CRK: variants seen among roughly 807,000 people sequenced by gnomAD.
CRK encodes the protein adapter molecule crk.
CRK carries 4 observed loss-of-function variants against 29.8 expected under a neutral mutation model. The observed-to-expected ratio is 0.13, with a 90% CI of 0.07 to 0.31. CRK has a LOEUF of 0.31. Ranked by LOEUF, CRK falls within the 10% of genes least tolerant of loss-of-function variation. The probability of loss-of-function intolerance (pLI) is 1.00; values close to 1 mark genes in which losing one functional copy is unlikely to be tolerated. For missense variants in CRK, 274 were observed against 396.5 expected (o/e 0.69, Z 2.62); for synonymous variants, 153 against 164.9 (o/e 0.93, Z 0.55).
intron 1 of CRK, among the ~76,000 whole-genome samples, chr17:1,440,979 G>A (rs1299375154): frequency 6.6e-6 from 1 of 152,208 alleles, no homozygotes; most frequent in Non-Finnish European, 1.5e-5. Context: ...GTCTGGCTCT[G>A]TCACCCAGGC....
intron 2 of CRK, among the ~76,000 whole-genome samples, chr17:1,430,719 TTAAC>T (rs2150902456): frequency 6.6e-6 from 1 of 151,926 alleles, no homozygotes; most frequent in South Asian, 2.1e-4. Context: ...ATTGGGCTAA[TTAAC>T]CTGACCAACG....
At chr17:1,450,948 T>G (rs1213852586) in intron 1 of CRK, among the ~76,000 whole-genome samples, 1 of 151,518 alleles carries the variant, frequency 6.6e-6, no homozygotes, top group Non-Finnish European at 1.5e-5. Flanking sequence ...ATCCCAGCAC[T>G]TTAGGAGGCC....
At chr17:1,442,847 T>A (rs2073945750) in intron 1 of CRK, among the ~76,000 whole-genome samples, 1 of 151,906 alleles carries the variant, frequency 6.6e-6, no homozygotes, top group Admixed American at 6.6e-5. Flanking sequence ...CCTCAAGTGA[T>A]CTGACCGCCT....
chr17:1,437,820 A>ATTTTTTTTTTTTT (rs34817166), intron 1 of CRK, among the ~76,000 whole-genome samples: 1 of 136,736 alleles, frequency 7.3e-6, no homozygotes, highest in Non-Finnish European at 1.6e-5. Context: ...TGACAAGCTA[A>ATTTTTTTTTTTTT]TTTTTTTTTT....
chr17:1,449,347 A>G (rs548941971), intron 1 of CRK, among the ~76,000 whole-genome samples: 5 of 152,268 alleles, frequency 3.3e-5, no homozygotes, highest in South Asian at 2.1e-4. Flanking sequence ...CCTCTCAAAG[A>G]TAAGAAGTTT....
chr17:1,453,697 A>C (rs1030167922), intron 1 of CRK, among the ~76,000 whole-genome samples: 2 of 152,080 alleles, frequency 1.3e-5, no homozygotes, highest in Admixed American at 1.3e-4. Flanking sequence ...ACCTGAGGTC[A>C]GGAGTTCGAG....
At chr17:1,432,179 CTGAA>C (rs1290904607) in intron 2 of CRK, among the ~76,000 whole-genome samples, 1 of 152,114 alleles carries the variant, frequency 6.6e-6, no homozygotes, top group African/African-American at 2.4e-5. Context: ...AGACTGCACT[CTGAA>C]TGTTTAAGAA....
At position 1,436,870 on chromosome 17, in the gene CRK, T is replaced by G. The variant is rs867650824; in HGVS notation, c.527A>C (p.Glu176Ala). The G allele has an allele frequency of 6.2e-7, 1 of 1,611,700 alleles. No individual in the cohort carries two copies. The highest frequency in any genetic ancestry group is 1.3e-5 in the African/African-American group (1 of 75,010). The change falls in exon 2 of 3, where the codon GAA becomes GCA. Residue 176 changes from glutamate to alanine, a missense_variant. By Grantham distance (107) the Glu-to-Ala change is moderately radical. Around this residue, in one of 3 missense-constraint regions of CRK, gnomAD observed 18 missense variants for 61.3 expected, o/e 0.29. Transcript: ENST00000300574. ...EEQWWNAEDS[E>A]GKRGMIPVPY... ...GACTGGAATCATCCCTCTCTTGCCT[T>G]CGCTGTCCTCCGCATTCCACCACTG... is the stretch of plus-strand genomic sequence containing the variant.
chr17:1,454,743 C>G (rs1391196336), intron 1 of CRK, among the ~76,000 whole-genome samples: 2 of 152,144 alleles, frequency 1.3e-5, no homozygotes, highest in Non-Finnish European at 1.5e-5. Context: ...CACGAGGACT[C>G]CTGATGCTGT....
chr17:1,438,201 C>T (rs541013046), intron 1 of CRK, among the ~76,000 whole-genome samples: 33 of 152,262 alleles, frequency 2.2e-4, no homozygotes, highest in Admixed American at 1.6e-3. Flanking sequence ...ACAATCACAG[C>T]TTACTGCAGC....
chr17:1,428,376 C>T (rs2073802676), intron 2 of CRK, among the ~76,000 whole-genome samples: 1 of 151,868 alleles, frequency 6.6e-6, no homozygotes, highest in South Asian at 2.1e-4. Context: ...CTCGGCCTCC[C>T]AATGTGCTGG....
intron 1 of CRK, among the ~76,000 whole-genome samples, chr17:1,447,916 C>T (rs1421788928): frequency 5.3e-5 from 8 of 152,130 alleles, no homozygotes; most frequent in Non-Finnish European, 1.0e-4. Flanking sequence ...CACACCCGGC[C>T]CTCTTTTCCC....
At chr17:1,451,263 T>C (rs1019260350) in intron 1 of CRK, among the ~76,000 whole-genome samples, 1 of 147,046 alleles carries the variant, frequency 6.8e-6, no homozygotes, top group Non-Finnish European at 1.5e-5. Context: ...ATAGCAGATG[T>C]GTATTGTCTG....
At chr17:1,455,720 G>A (rs1025595756) in intron 1 of CRK, among the ~76,000 whole-genome samples, 157 bp downstream of exon 1, 3 of 152,020 alleles carry the variant, frequency 2.0e-5, no homozygotes, top group African/African-American at 7.2e-5. Flanking sequence ...CTGCTCCCCG[G>A]GTGAGAGCGA....
intron 2 of CRK, among the ~76,000 whole-genome samples, chr17:1,428,109 T>A (rs2073799143): frequency 6.7e-6 from 1 of 150,106 alleles, no homozygotes; most frequent in African/African-American, 2.5e-5. Flanking sequence ...CCAGATCTTT[T>A]CTTTCAGACT....
rs140388019 is a variant in CRK, at chr17:1,423,530, C to T, written c.898G>A (p.Asp300Asn). 65 of 1,613,912 alleles carry T rather than the reference C, an allele frequency of 4.0e-5. No individual in the cohort carries two copies. Among genetic ancestry groups the T allele is most frequent in the Non-Finnish European group, 5.1e-5 (60 of 1,179,994 alleles). ...HVRLLDQQNPDEDFS is the reference protein window; with the variant it reads ...HVRLLDQQNPNEDFS ...AACTATACTCAGCTGAAGTCCTCAT[C>T]GGGATTCTGTTGATCCAGCAGACGG... Residue 300 changes from aspartate to asparagine, a missense_variant, in exon 3 of 3, where the codon GAT becomes AAT. Physicochemically the swap from Asp to Asn is conservative, Grantham distance 23. Around this residue, in one of 3 missense-constraint regions of CRK, gnomAD observed 121 missense variants for 154.3 expected, o/e 0.78. Transcript: ENST00000300574.
rs117426104 is a variant in CRK, at chr17:1,451,963, G to A, written c.241+3914C>T. Among the ~76,000 whole-genome samples the A allele has an allele frequency of 3.7e-3, 565 of 152,204 alleles. 6 individuals carry two copies. The highest frequency in any genetic ancestry group is 6.6e-3 in the Non-Finnish European group (450 of 68,018). On this transcript the variant is annotated intron_variant, in intron 1 of 2. Coordinates refer to ENST00000300574, the MANE Select transcript of CRK (RefSeq NM_016823.4). ...CTGCACCACTGCACTGTAGCAGCCC[G>A]GGGGGCAAGAGCGAAACTCCATCCA...
chr17:1,443,552 C>T (rs929577188), intron 1 of CRK, among the ~76,000 whole-genome samples: 2 of 151,796 alleles, frequency 1.3e-5, no homozygotes, highest in Admixed American at 6.6e-5. Flanking sequence ...CCCGCCACCA[C>T]GCCCGGCTAA....
At chr17:1,436,508 T>C (rs1273810968) in intron 2 of CRK, 112 bp downstream of exon 2, 4 of 1,190,118 alleles carry the variant, frequency 3.4e-6, no homozygotes, top group Non-Finnish European at 4.6e-6. Context: ...GCTTAGCGGC[T>C]TGCCATCTAC....
Sources: gnomAD v4.1 joint callset for allele counts (sites outside exome capture counted in the v4.1 genomes callset) on GRCh38, gnomAD v4.1.1 for gene constraint, gnomAD v4.1.1 regional missense constraint, MANE v1.5 for transcripts, NCBI Gene and HGNC (gene_info 2026-07-23, HGNC 2026-07-21) for gene names.